The following MYO15A variants were observed in gnomAD, a reference collection of about 807,000 sequenced individuals.
MYO15A encodes unconventional myosin-XV.
MYO15A carries 308 observed loss-of-function variants against 394.6 expected under a neutral mutation model. The observed-to-expected ratio is 0.78, with a 90% CI of 0.71 to 0.86. The LOEUF (loss-of-function observed/expected upper bound fraction) is 0.86, where lower values mean the gene tolerates loss of function less well. MYO15A is among the 40% of genes least tolerant of loss of function. MYO15A has a pLI of 0.00. For synonymous variants in MYO15A, 1,957 were observed against 2,003.8 expected, an observed-to-expected ratio of 0.98 and a Z score of 0.62; for missense variants, 4,606 against 4,799.1, an observed-to-expected ratio of 0.96 and a Z score of 1.19.
intron 12 of MYO15A, among the ~76,000 whole-genome samples, chr17:18,134,778 A>G (rs147345445): frequency 3.9e-4 from 60 of 152,352 alleles, no homozygotes; most frequent in African/African-American, 1.3e-3. Flanking sequence ...TGCTAAGTTT[A>G]TATATACATT....
Position 18,157,878 on chromosome 17 carries a change from A to T in MYO15A, c.8945A>T (p.Gln2982Leu). The T allele has an allele frequency of 8.2e-7, 1 of 1,225,828 alleles. No homozygotes were observed. Among genetic ancestry groups the T allele is most frequent in the South Asian group, 1.3e-5 (1 of 77,682 alleles). The allele number at this position is 1,225,828 out of a possible 1,614,324, so 75.9% of individuals were successfully genotyped here. A position where few individuals can be genotyped will look rare whatever the true frequency, so the allele number is the denominator to read the frequency against. Residue 2982 changes from glutamine (Q) to leucine (L), a missense_variant, in exon 51 of 66, where the codon CAG (glutamine) becomes CTG (leucine). Transcript: ENST00000647165. ...AAAVASAAAA[Q>L]EVGRRREGPP... is the part of the protein sequence containing the mutation. ...GCTGTGGCCTCTGCAGCCGCTGCACAGGAGGTGGGCCGCAGGAGAGAGGTG... is the reference window on the plus strand; with the variant it reads ...GCTGTGGCCTCTGCAGCCGCTGCACTGGAGGTGGGCCGCAGGAGAGAGGTG...
In MYO15A at chr17:18,144,504, C is replaced by T. The variant is rs1407031950; in HGVS notation, c.6185C>T (p.Ala2062Val). Residue 2062 changes from alanine to valine, a missense_variant, in exon 29 of 66, where the codon GCC becomes GTC. Ala to Val is a moderately conservative substitution (Grantham distance 64, BLOSUM62 0). Coordinates refer to ENST00000647165, the MANE Select transcript of MYO15A (RefSeq NM_016239.4). ...GCCTGCCCTGTGTCTTAGGAACCTG[C>T]CTTTGGGATGCTGACAGTGCCCCTG... The part of the protein sequence containing the change: ...KFVQCHFKEP[A>V]FGMLTVPLRT... The T allele has an allele frequency of 1.4e-5, 22 of 1,613,212 alleles. No individual in the cohort carries two copies. Among genetic ancestry groups the T allele is most frequent in the Non-Finnish European group, 1.7e-5 (20 of 1,180,002 alleles).
chr17:18,161,134 C>A, intron 56 of MYO15A, 183 bp from the exon 57 acceptor site: 1 of 974,128 alleles, frequency 1.0e-6, no homozygotes, highest in Non-Finnish European at 1.6e-6. Flanking sequence ...CCTTCTGTCC[C>A]TATCCCCAAT....
chr17:18,130,310 G>T (rs1289342394), intron 7 of MYO15A, among the ~76,000 whole-genome samples: 1 of 152,074 alleles, frequency 6.6e-6, no homozygotes, highest in African/African-American at 2.4e-5. Context: ...ACATTCTAGT[G>T]GGGAGACAGA....
In MYO15A at chr17:18,138,132, G is replaced by A; in HGVS notation, c.4893G>A (p.Glu1631=). 6.2e-7 allele frequency: 1 copy of A among 1,612,554 alleles called. No homozygotes were observed. The highest frequency in any genetic ancestry group is 8.5e-7 in the Non-Finnish European group (1 of 1,180,022). The change falls in exon 17 of 66, where the codon GAG becomes GAA. Residue 1631 remains glutamate (E), a synonymous_variant. Coordinates refer to ENST00000647165, the MANE Select transcript of MYO15A (RefSeq NM_016239.4). ...GCCTGCAGGAGGAGTACATCCGTGA[G>A]CAGATAGACTGGCAGGAGATCACCT... is the stretch of plus-strand genomic sequence containing the variant. The part of the protein sequence containing the change: ...FQEEQEEYIR[E]QIDWQEITFA...
At chr17:18,157,598 TG>T in intron 50 of MYO15A, 123 bp from the exon 51 acceptor site, 3 of 1,513,316 alleles carry the variant, frequency 2.0e-6, no homozygotes, top group Non-Finnish European at 2.6e-6. Flanking sequence ...ATGGGTTTGA[TG>T]GCCTGGCCTG....
At chr17:18,159,421 A>G (rs2046741414) in intron 54 of MYO15A, 74 bp downstream of exon 54, 14 of 1,558,416 alleles carry the variant, frequency 9.0e-6, no homozygotes, top group Non-Finnish European at 1.1e-5. Flanking sequence ...ACTGGTTGCC[A>G]CTCCTCCCTG....
In MYO15A at chr17:18,173,827, C is replaced by T; in HGVS notation, c.10397C>T (p.Thr3466Ile). Residue 3466 changes from threonine to isoleucine, a missense_variant, in exon 65 of 66, where the codon ACC (threonine) becomes ATC (isoleucine). Transcript: ENST00000647165. ...CTGAAGGAGATCCAGTCGACGCGGACCCAGCGGCCCACGGCCAACTCCAGC... is the reference window on the plus strand; with the variant it reads ...CTGAAGGAGATCCAGTCGACGCGGATCCAGCGGCCCACGGCCAACTCCAGC... ...FPLKEIQSTR[T>I]QRPTANSSYP... is the part of the protein sequence containing the mutation. 2 of 1,613,862 alleles carry T rather than the reference C, an allele frequency of 1.2e-6. No homozygotes were observed. The highest frequency in any genetic ancestry group is 1.7e-6 in the Non-Finnish European group (2 of 1,179,904).
intron 40 of MYO15A, 86 bp from the exon 41 acceptor site, chr17:18,151,757 TGGA>T: frequency 7.7e-7 from 1 of 1,303,930 alleles, no homozygotes. Flanking sequence ...TAGGGGGTGG[TGGA>T]GGAGGAGGAA....
At chr17:18,142,370 A>AG in intron 24 of MYO15A, 116 bp downstream of exon 24, 1 of 1,201,800 alleles carries the variant, frequency 8.3e-7, no homozygotes, top group East Asian at 2.6e-5. Flanking sequence ...CTGAGGGTGG[A>AG]GGCCTCTGCA....
Position 18,138,722 on chromosome 17 carries a change from G to A in MYO15A, c.5008-89G>A, listed in dbSNP as rs531868825. On this transcript the variant is annotated intron_variant, in intron 17 of 65. Coordinates refer to ENST00000647165, the MANE Select transcript of MYO15A (RefSeq NM_016239.4). ...TTGTTCCTCTCTGGTGCTCAGTTGG[G>A]AGCAGTCGGGGATAGTGAGGTTGCC... The A allele has an allele frequency of 2.1e-5, 33 of 1,536,808 alleles. No homozygotes were observed. The South Asian group carries it at 3.6e-4, about 17-fold the overall frequency.
At chr17:18,151,075 C>T (rs765799923) in intron 38 of MYO15A, 35 bp from the exon 39 acceptor site, 1 of 1,613,192 alleles carries the variant, frequency 6.2e-7, no homozygotes, top group South Asian at 1.1e-5. Context: ...CTGGTATATC[C>T]CAGGCAGCCC....
intron 1 of MYO15A, among the ~76,000 whole-genome samples, chr17:18,113,294 G>A (rs1023250316): frequency 1.3e-5 from 2 of 152,112 alleles, no homozygotes; most frequent in African/African-American, 2.4e-5. Context: ...TGGGCCTACA[G>A]GTGCTTGCCA....
At chr17:18,128,523 AG>A (rs1177430721) in intron 7 of MYO15A, among the ~76,000 whole-genome samples, 1 of 152,172 alleles carries the variant, frequency 6.6e-6, no homozygotes, top group South Asian at 2.1e-4. Context: ...TTGGCCTGCC[AG>A]GGTCTCCCAT....
At chr17:18,131,590 A>G (rs2046167382) in intron 10 of MYO15A, 59 bp downstream of exon 10, 4 of 1,595,054 alleles carry the variant, frequency 2.5e-6, no homozygotes, top group Non-Finnish European at 3.4e-6. Context: ...AGGTACAGAT[A>G]CTCAGAGCCT....
At position 18,154,098 on chromosome 17, in the gene MYO15A, C is replaced by T. The variant is rs372942341; in HGVS notation, c.8089-33C>T. The stretch of plus-strand genomic sequence containing the variant: ...GTGTGAAGCAAGGCCAGGGGGCAGT[C>T]GGACAGTACCCACTGAAGCCCCGCC... On this transcript the variant is annotated intron_variant, in intron 43 of 65. Transcript: ENST00000647165. The T allele has an allele frequency of 3.7e-6, 6 of 1,612,796 alleles. 1 individual carries two copies. The Admixed American group carries it at 8.3e-5, about 22-fold the overall frequency.
rs907586189 is a variant in MYO15A at position 18,150,076 on chromosome 17, C to T, written c.7213-353C>T. The stretch of plus-strand genomic sequence containing the variant: ...ACCTTGGTCCCCGGGTCTTCTAGCC[C>T]CAGATCTCACGAGACCCCTCAGGTA... On this transcript the variant is annotated intron_variant, in intron 35 of 65. Transcript: ENST00000647165. This position sits in a 1 kb window ranked among gnomAD's most constrained non-coding sequence, Gnocchi z 4.4. The T allele has an allele frequency of 2.7e-6, 1 of 371,658 alleles. No homozygotes were observed. Among genetic ancestry groups the T allele is most frequent in the African/African-American group, 2.1e-5 (1 of 48,372 alleles). The allele number at this position is 371,658 out of a possible 1,614,324, so 23.0% of individuals were successfully genotyped here. A position where few individuals can be genotyped will look rare whatever the true frequency, so the allele number is the denominator to read the frequency against.
intron 1 of MYO15A, among the ~76,000 whole-genome samples, chr17:18,113,960 C>G (rs1490985992): frequency 6.6e-6 from 1 of 152,062 alleles, no homozygotes; most frequent in Non-Finnish European, 1.5e-5. Context: ...CGTCCACATT[C>G]CTTGTTATAG....
At position 18,154,159 on chromosome 17, in the gene MYO15A, A is replaced by G. The variant is rs764839557; in HGVS notation, c.8117A>G (p.His2706Arg). 1.9e-6 allele frequency: 3 copies of G among 1,614,096 alleles called. No individual in the cohort carries two copies. Among genetic ancestry groups the G allele is most frequent in the Non-Finnish European group, 2.5e-6 (3 of 1,180,036 alleles). ...TTTTACCCCAAGGACAGCTACAGCCATCCTGTGCAGCTTGACCTCCTGTTC... is the reference window on the plus strand; with the variant it reads ...TTTTACCCCAAGGACAGCTACAGCCGTCCTGTGCAGCTTGACCTCCTGTTC... ...EVFYPKDSYS[H>R]PVQLDLLFRQ... is the part of the protein sequence containing the mutation. The change falls in exon 44 of 66, where the codon CAT becomes CGT. Residue 2706 changes from histidine to arginine, a missense_variant. His to Arg is a conservative substitution (Grantham distance 29, BLOSUM62 0). Coordinates refer to ENST00000647165, the MANE Select transcript of MYO15A (RefSeq NM_016239.4).
Sources: gnomAD v4.1 joint callset for allele counts (sites outside exome capture counted in the v4.1 genomes callset) on GRCh38, gnomAD v4.1.1 for gene constraint, Gnocchi (gnomAD v3.1) non-coding constraint, MANE v1.5 for transcripts, NCBI Gene and HGNC (gene_info 2026-07-23, HGNC 2026-07-21) for gene names.